Variants in ATP2B1 observed in about 807,000 individuals in gnomAD.
ATP2B1 encodes the protein plasma membrane calcium-transporting ATPase 1.
Under a neutral mutation model 124.2 loss-of-function variants are expected in ATP2B1, and 14 were observed. That is an observed-to-expected ratio of 0.11 (90% CI 0.07 to 0.18). The LOEUF is 0.18. Ranked by LOEUF, ATP2B1 falls within the 10% of genes least tolerant of loss-of-function variation. The pLI, the probability that ATP2B1 is intolerant of heterozygous loss-of-function variation, is 1.00. For missense variants in ATP2B1, 763 were observed against 1,466.1 expected, an observed-to-expected ratio of 0.52 and a Z score of 7.83; for synonymous variants, 449 against 492.4, an observed-to-expected ratio of 0.91 and a Z score of 1.17.
chr12:89,705,504 T>C (rs1892344952), intron 1 of ATP2B1, among the ~76,000 whole-genome samples: 1 of 152,148 alleles, frequency 6.6e-6, no homozygotes, highest in African/African-American at 2.4e-5. Flanking sequence ...AAAAACCAAA[T>C]ATTATTTTGT....
chr12:89,603,445 A>C lies in ATP2B1; in HGVS notation c.2849-191T>G, dbSNP rs1202501193. ...CAAGGAAACAGAAGCTCCCAAAACT[A>C]TGGTGATAATCTCAGGATCACATAT... On this transcript the variant is annotated intron_variant, in intron 17 of 20. Coordinates refer to ENST00000428670, the MANE Select transcript of ATP2B1 (RefSeq NM_001366521.1). This position sits in a 1 kb window ranked among gnomAD's most constrained non-coding sequence, Gnocchi z 4.3. The C allele has an allele frequency of 7.8e-6, 5 of 642,246 alleles. No homozygotes were observed. In the African/African-American group the frequency reaches 9.2e-5, roughly 12 times the overall value. The allele number at this position is 642,246 out of a possible 1,614,324, so 39.8% of individuals were successfully genotyped here. A position where few individuals can be genotyped will look rare whatever the true frequency, so the allele number is the denominator to read the frequency against.
chr12:89,705,360 C>A (rs1370530022), intron 1 of ATP2B1, among the ~76,000 whole-genome samples: 3 of 152,082 alleles, frequency 2.0e-5, no homozygotes, highest in Non-Finnish European at 2.9e-5. Flanking sequence ...GCCCGAGATG[C>A]AAAAACCTAA....
rs1875290562 is a variant in ATP2B1 at position 89,599,144 on chromosome 12, A to G, written c.3324T>C (p.Phe1108=). 1 of 1,613,972 alleles carries G rather than the reference A, an allele frequency of 6.2e-7. No homozygotes were observed. The highest frequency in any genetic ancestry group is 8.5e-7 in the Non-Finnish European group (1 of 1,179,980). ...GTGTTTGGATTCTGTTCAGACCTCT[A>G]AACCACAAGATTTGGCCACGCCGCA... ...RELRRGQILW[F]RGLNRIQTQI... Residue 1108 remains phenylalanine, a synonymous_variant, in exon 20 of 21, where the codon TTT becomes TTC. Transcript: ENST00000428670.
chr12:89,647,852 C>T (rs1283031760), intron 2 of ATP2B1, among the ~76,000 whole-genome samples: 2 of 152,076 alleles, frequency 1.3e-5, no homozygotes, highest in Admixed American at 6.5e-5. Flanking sequence ...CTCAGTAGTT[C>T]ATGCCAGATC....
intron 1 of ATP2B1, among the ~76,000 whole-genome samples, chr12:89,697,324 TA>T (rs1470712929): frequency 6.6e-6 from 1 of 152,140 alleles, no homozygotes; most frequent in Non-Finnish European, 1.5e-5. Context: ...AATTGTTCTA[TA>T]TAATAAAGAA....
intron 1 of ATP2B1, among the ~76,000 whole-genome samples, chr12:89,700,847 T>C (rs2136857816): frequency 6.6e-6 from 1 of 152,342 alleles, no homozygotes; most frequent in South Asian, 2.1e-4. Context: ...GTTGGGAGAA[T>C]ACTCAATAGC....
chr12:89,670,898 C>G (rs1327605262), intron 1 of ATP2B1, among the ~76,000 whole-genome samples: 1 of 147,102 alleles, frequency 6.8e-6, no homozygotes, highest in Non-Finnish European at 1.5e-5. Flanking sequence ...ACAGAAGAAC[C>G]TTCTTGGAAC....
intron 20 of ATP2B1, 79 bp downstream of exon 20, chr12:89,599,038 G>C (rs1226747108): frequency 1.3e-5 from 19 of 1,491,670 alleles, no homozygotes; most frequent in Non-Finnish European, 1.5e-5. Flanking sequence ...GGAAGTTTAA[G>C]GAGCACACTC....
At chr12:89,679,942 A>G (rs1275866326) in intron 1 of ATP2B1, among the ~76,000 whole-genome samples, 1 of 152,170 alleles carries the variant, frequency 6.6e-6, no homozygotes, top group African/African-American at 2.4e-5. Flanking sequence ...GAGATATGGC[A>G]GTAAAGGAAA....
chr12:89,648,590 A>C (rs1296015358), intron 2 of ATP2B1, among the ~76,000 whole-genome samples: 2 of 152,236 alleles, frequency 1.3e-5, no homozygotes, highest in East Asian at 3.8e-4. Flanking sequence ...GCAGAGGGTA[A>C]AGTCTGGAAA....
chr12:89,591,712 G>A (rs1292845820), intron 20 of ATP2B1, among the ~76,000 whole-genome samples: 1 of 151,740 alleles, frequency 6.6e-6, no homozygotes, highest in Admixed American at 6.6e-5. Flanking sequence ...AAGCACAAAG[G>A]GTTACTATTT....
chr12:89,606,637 G>A (rs755831408), intron 15 of ATP2B1, among the ~76,000 whole-genome samples: 160 of 146,940 alleles, frequency 1.1e-3, no homozygotes, highest in Non-Finnish European at 1.4e-3. Context: ...GCAGTGGTGC[G>A]ATCTCAGCTC....
intron 2 of ATP2B1, among the ~76,000 whole-genome samples, chr12:89,651,786 C>T (rs1885288668): frequency 6.6e-6 from 1 of 152,184 alleles, no homozygotes; most frequent in Non-Finnish European, 1.5e-5. Context: ...AGCATGGTCT[C>T]TGAAGCCAGA....
chr12:89,654,579 G>C (rs990113404), intron 2 of ATP2B1, among the ~76,000 whole-genome samples: 1 of 152,080 alleles, frequency 6.6e-6, no homozygotes, highest in African/African-American at 2.4e-5. Flanking sequence ...CTACTTCAGA[G>C]AAATCAAAGT....
chr12:89,637,691 GC>G (rs1421779047), intron 3 of ATP2B1, among the ~76,000 whole-genome samples: 3 of 152,052 alleles, frequency 2.0e-5, no homozygotes, highest in Non-Finnish European at 4.4e-5. Flanking sequence ...GAGCCACTGT[GC>G]CCAGCTTTAT....
chr12:89,697,000 TC>T (rs1015977491), intron 1 of ATP2B1, among the ~76,000 whole-genome samples: 10 of 151,314 alleles, frequency 6.6e-5, no homozygotes, highest in Non-Finnish European at 1.5e-5. Flanking sequence ...GTTTTTTTTT[TC>T]ACCCTCTAAA....
chr12:89,611,092 T>C, intron 13 of ATP2B1, 101 bp downstream of exon 13: 1 of 1,059,274 alleles, frequency 9.4e-7, no homozygotes, highest in Non-Finnish European at 1.3e-6. Flanking sequence ...ATTTCATGCA[T>C]GGTGCCTAAC....
At chr12:89,600,752 G>A (rs1443670325) in intron 19 of ATP2B1, among the ~76,000 whole-genome samples, 3 of 151,420 alleles carry the variant, frequency 2.0e-5, no homozygotes, top group Non-Finnish European at 4.4e-5. Flanking sequence ...GGGTTCAAGC[G>A]ATTCTCCTGC....
chr12:89,665,341 A>G (rs1047206253), intron 1 of ATP2B1, among the ~76,000 whole-genome samples: 2 of 152,218 alleles, frequency 1.3e-5, no homozygotes, highest in African/African-American at 2.4e-5. Context: ...CATTCTGAAC[A>G]TATGTTAAAT....
Sources: gnomAD v4.1 joint callset for allele counts (sites outside exome capture counted in the v4.1 genomes callset) on GRCh38, gnomAD v4.1.1 for gene constraint, Gnocchi (gnomAD v3.1) non-coding constraint, MANE v1.5 for transcripts, NCBI Gene and HGNC (gene_info 2026-07-23, HGNC 2026-07-21) for gene names.